The following ABCC2 variants were observed in gnomAD, a reference collection of about 807,000 sequenced individuals.
ABCC2 encodes ATP-binding cassette sub-family C member 2.
In ABCC2, 157 loss-of-function variants were observed where a neutral mutation model predicts 173.4. The observed-to-expected ratio is 0.91, with a 90% CI of 0.80 to 1.03. ABCC2 has a LOEUF of 1.03. ABCC2 is among the 50% of genes least tolerant of loss of function. ABCC2 has a pLI of 0.00. For synonymous variants in ABCC2, 657 were observed against 693.5 expected, an observed-to-expected ratio of 0.95 and a Z score of 0.83; for missense variants, 1,822 against 1,852.3, an observed-to-expected ratio of 0.98 and a Z score of 0.30.
intron 16 of ABCC2, 64 bp from the exon 17 acceptor site, chr10:99,817,244 C>T (rs2038436859): frequency 6.5e-7 from 1 of 1,529,852 alleles, no homozygotes; most frequent in African/African-American, 1.4e-5. Context: ...TCCAGCCACC[C>T]CGTCCTTCAA....
At chr10:99,824,387 A>T (rs77757770) in intron 19 of ABCC2, among the ~76,000 whole-genome samples, 294 of 143,954 alleles carry the variant, frequency 2.0e-3, no homozygotes, top group Admixed American at 2.6e-3. Context: ...CCAGTCCTGC[A>T]TTGGCAACCT....
intron 16 of ABCC2, among the ~76,000 whole-genome samples, chr10:99,814,908 AT>A (rs763164385): frequency 6.6e-6 from 1 of 150,976 alleles, no homozygotes; most frequent in Non-Finnish European, 1.5e-5. Flanking sequence ...GGTTCAAGCA[AT>A]TCTCCTGCCT....
In ABCC2 at chr10:99,808,087, C is replaced by T. The variant is rs757063217; in HGVS notation, c.1673C>T (p.Ser558Phe). Residue 558 changes from serine (S) to phenylalanine (F), a missense_variant, in exon 13 of 32, where the codon TCT (serine) becomes TTT (phenylalanine). By Grantham distance (155) the Ser-to-Phe change is radical. Transcript: ENST00000647814. Reference protein sequence around the residue: ...FVFQLTPVLVSVVTFSVYVLV... With the variant: ...FVFQLTPVLVFVVTFSVYVLV... The stretch of plus-strand genomic sequence containing the variant: ...TCATGACCTTGCCCTTTCCAGGTAT[C>T]TGTGGTCACATTTTCTGTTTATGTC... The T allele has an allele frequency of 6.2e-7, 1 of 1,614,084 alleles. No individual in the cohort carries two copies. The highest frequency in any genetic ancestry group is 8.5e-7 in the Non-Finnish European group (1 of 1,179,980).
chr10:99,844,101 C>T (rs531056485), intron 27 of ABCC2, among the ~76,000 whole-genome samples: 3 of 152,098 alleles, frequency 2.0e-5, no homozygotes, highest in Non-Finnish European at 4.4e-5. Context: ...TGCAACATAC[C>T]GAGGAGATCT....
At chr10:99,814,316 C>T (rs551358166) in intron 16 of ABCC2, among the ~76,000 whole-genome samples, 9 of 137,056 alleles carry the variant, frequency 6.6e-5, no homozygotes, top group Admixed American at 1.4e-4. Context: ...CATGTATATA[C>T]ACACGTATGT....
chr10:99,825,673 A>G (rs2038625514), intron 19 of ABCC2, among the ~76,000 whole-genome samples: 2 of 152,068 alleles, frequency 1.3e-5, no homozygotes, highest in South Asian at 4.1e-4. Flanking sequence ...CACCAGTATG[A>G]ATTTGAACTC....
At chr10:99,812,197 C>G (rs1371630886) in intron 15 of ABCC2, among the ~76,000 whole-genome samples, 2 of 152,194 alleles carry the variant, frequency 1.3e-5, no homozygotes, top group Non-Finnish European at 2.9e-5. Context: ...CTATCTTGTT[C>G]CTACAGCCTT....
In ABCC2 at chr10:99,834,556, G is replaced by T. The variant is rs770278039; in HGVS notation, c.3414+21G>T. On this transcript the variant is annotated intron_variant, in intron 24 of 31. Transcript: ENST00000647814. ...TTCAGGTAGGTTTGGAAATGGCTAA[G>T]TCATCCTTCCTTCCTCTCTATCTAT... is the stretch of plus-strand genomic sequence containing the variant. 3 of 1,612,090 alleles carry T rather than the reference G, an allele frequency of 1.9e-6. No individual in the cohort carries two copies. In the African/African-American group the frequency reaches 4.0e-5, roughly 22 times the overall value.
At chr10:99,792,905 A>T (rs1382445895) in intron 3 of ABCC2, among the ~76,000 whole-genome samples, 1 of 152,218 alleles carries the variant, frequency 6.6e-6, no homozygotes, top group East Asian at 1.9e-4. Flanking sequence ...AAAAATCAAA[A>T]TGTCTGGCAA....
In ABCC2 at chr10:99,819,238, A is replaced by G; in HGVS notation, c.2589A>G (p.Leu863=). 1.9e-6 allele frequency: 3 copies of G among 1,614,048 alleles called. No homozygotes were observed. The highest frequency in any genetic ancestry group is 2.5e-6 in the Non-Finnish European group (3 of 1,180,034). The change falls in exon 19 of 32, where the codon CTA becomes CTG. Residue 863 remains leucine, a synonymous_variant. Transcript: ENST00000647814. The stretch of plus-strand genomic sequence containing the variant: ...TTGCTAAGAATCTGAAGACATTTCT[A>G]AGACATACAGGCCCTGAAGAGGAAG... ...GEFAKNLKTF[L]RHTGPEEEAT...
rs771619987 is a variant in ABCC2, at chr10:99,810,173, G to A, written c.1855G>A (p.Gly619Arg). The A allele has an allele frequency of 1.2e-6, 2 of 1,613,530 alleles. No homozygotes were observed. The highest frequency in any genetic ancestry group is 2.2e-5 in the East Asian group (1 of 44,894). ...AGAGCGGCTAGAGAAGTACTTGGGAGGGGATGACTTGGACACATCTGCCAT... is the reference window on the plus strand; with the variant it reads ...AGAGCGGCTAGAGAAGTACTTGGGAAGGGATGACTTGGACACATCTGCCAT... ...STERLEKYLG[G>R]DDLDTSAIRH... Residue 619 changes from glycine (G) to arginine (R), a missense_variant, in exon 14 of 32, where the codon GGG becomes AGG. Gly to Arg is a moderately radical substitution (Grantham distance 125, BLOSUM62 -2). Transcript: ENST00000647814.
chr10:99,805,006 G>A (rs533779163), intron 10 of ABCC2, among the ~76,000 whole-genome samples: 30 of 152,272 alleles, frequency 2.0e-4, no homozygotes, highest in African/African-American at 6.7e-4. Context: ...TGAGTGGGTG[G>A]TTATTTTCAA....
intron 5 of ABCC2, 137 bp downstream of exon 5, chr10:99,794,136 A>C: frequency 1.3e-6 from 1 of 756,490 alleles, no homozygotes; most frequent in South Asian, 1.6e-5. Context: ...TATGACAAGG[A>C]AACAGATAGT....
Position 99,844,427 on chromosome 10 carries a change from C to T in ABCC2, c.3949C>T (p.Leu1317Phe). 1 of 1,614,146 alleles carries T rather than the reference C, an allele frequency of 6.2e-7. No homozygotes were observed. Among genetic ancestry groups the T allele is most frequent in the Non-Finnish European group, 8.5e-7 (1 of 1,180,042 alleles). Residue 1317 changes from leucine to phenylalanine, a missense_variant, in exon 28 of 32, where the codon CTC becomes TTC. Transcript: ENST00000647814. ...VRYRPELDLVLRGITCDIGSM... is the reference protein window; with the variant it reads ...VRYRPELDLVFRGITCDIGSM... The stretch of plus-strand genomic sequence containing the variant: ...GTACCGACCTGAGCTGGATCTGGTC[C>T]TCAGAGGGATCACTTGTGACATCGG...
rs758360846 is a variant in ABCC2 at position 99,793,956 on chromosome 10, T to C, written c.533T>C (p.Ile178Thr). ...FFISYGFQILILIFSAFSENN... is the reference protein window; with the variant it reads ...FFISYGFQILTLIFSAFSENN... ...ATCTCCTACGGATTCCAGATCCTGA[T>C]CCTGATCTTTTCAGCATTTTCAGAA... The change falls in exon 5 of 32, where the codon ATC becomes ACC. Residue 178 changes from isoleucine (I) to threonine (T), a missense_variant. By Grantham distance (89) the Ile-to-Thr change is moderately conservative (BLOSUM62 -1). Transcript: ENST00000647814. 1.9e-6 allele frequency: 3 copies of C among 1,613,758 alleles called. No homozygotes were observed. Among genetic ancestry groups the C allele is most frequent in the African/African-American group, 2.7e-5 (2 of 74,920 alleles).
intron 2 of ABCC2, among the ~76,000 whole-genome samples, chr10:99,790,282 C>G (rs1031092098): frequency 1.9e-4 from 29 of 152,140 alleles, no homozygotes; most frequent in African/African-American, 7.0e-4. Context: ...TATATACTTT[C>G]AAATTGTATT....
chr10:99,825,350 G>A (rs549765859), intron 19 of ABCC2, among the ~76,000 whole-genome samples: 280 of 152,144 alleles, frequency 1.8e-3, no homozygotes, highest in African/African-American at 6.3e-3. Context: ...CTTTTGTTTA[G>A]GCCAATTTTT....
chr10:99,819,292 AG>A, intron 19 of ABCC2, 23 bp downstream of exon 19: 3 of 1,608,806 alleles, frequency 1.9e-6, no homozygotes, highest in Non-Finnish European at 2.5e-6. Flanking sequence ...GATTGGGACA[AG>A]ATAGAACTTG....
chr10:99,842,462 G>A (rs1590191005), intron 26 of ABCC2, among the ~76,000 whole-genome samples: 2 of 152,204 alleles, frequency 1.3e-5, no homozygotes, highest in African/African-American at 4.8e-5. Flanking sequence ...AATTCCTCCT[G>A]TGTTTATTTT....
Sources: gnomAD v4.1 joint callset for allele counts (sites outside exome capture counted in the v4.1 genomes callset) on GRCh38, gnomAD v4.1.1 for gene constraint, MANE v1.5 for transcripts, NCBI Gene and HGNC (gene_info 2026-07-23, HGNC 2026-07-21) for gene names.